Variants in UBE4B observed in about 807,000 individuals in gnomAD.
UBE4B encodes ubiquitination factor E4B.
Under a neutral mutation model 148.1 loss-of-function variants are expected in UBE4B, and 27 were observed. The observed-to-expected ratio is 0.18, with a 90% CI of 0.13 to 0.25. The LOEUF is 0.25. Ranked by LOEUF, UBE4B falls within the 10% of genes least tolerant of loss-of-function variation. The pLI, the probability that UBE4B is intolerant of heterozygous loss-of-function variation, is 1.00. For missense variants in UBE4B, 1,170 were observed against 1,662.4 expected (o/e 0.70, Z 5.15); for synonymous variants, 596 against 619.3 (o/e 0.96, Z 0.56).
intron 22 of UBE4B, among the ~76,000 whole-genome samples, chr1:10,160,392 C>G (rs1646141988): frequency 6.6e-6 from 1 of 152,078 alleles, no homozygotes; most frequent in Non-Finnish European, 1.5e-5. Flanking sequence ...CTGTTCTAGT[C>G]TGGAAGAAGT....
intron 25 of UBE4B, among the ~76,000 whole-genome samples, chr1:10,173,399 G>A (rs1043809805): frequency 1.3e-5 from 2 of 151,116 alleles, no homozygotes; most frequent in Admixed American, 6.6e-5. Context: ...GGAGAATGGC[G>A]TGAACCCAGG....
intron 1 of UBE4B, among the ~76,000 whole-genome samples, chr1:10,048,754 G>T (rs369172773): frequency 1.3e-5 from 2 of 152,334 alleles, no homozygotes; most frequent in African/African-American, 4.8e-5. Context: ...GCTGACTGGA[G>T]CAAGTTCAAG....
In UBE4B at chr1:10,119,503, T is replaced by G. The variant is rs1447508130; in HGVS notation, c.1339-10T>G. 6.2e-7 allele frequency: 1 copy of G among 1,613,258 alleles called. No individual in the cohort carries two copies. Among genetic ancestry groups the G allele is most frequent in the Admixed American group, 1.7e-5 (1 of 59,992 alleles). ...TTCTTGTCGTCCTCACTTCCACCTT[T>G]CCTTTTCAGATGTGCAGCCAGCCAG... On this transcript the variant is annotated splice_polypyrimidine_tract_variant and intron_variant, in intron 8 of 27. Transcript: ENST00000343090.
At chr1:10,068,099 G>A (rs1363353359) in intron 1 of UBE4B, among the ~76,000 whole-genome samples, 2 of 149,992 alleles carry the variant, frequency 1.3e-5, no homozygotes, top group Non-Finnish European at 3.0e-5. Context: ...CACAATCTTG[G>A]CTCACTGCAA....
intron 18 of UBE4B, among the ~76,000 whole-genome samples, chr1:10,146,034 A>AAGATTTCAG (rs1645865136): frequency 6.6e-6 from 1 of 152,218 alleles, no homozygotes; most frequent in East Asian, 1.9e-4. Context: ...AGTACCAGTT[A>AAGATTTCAG]AGATTTCAGT....
chr1:10,105,458 C>T, intron 5 of UBE4B, 58 bp from the exon 6 acceptor site: 1 of 1,494,646 alleles, frequency 6.7e-7, no homozygotes, highest in Non-Finnish European at 9.3e-7. Context: ...TATTCAAGGG[C>T]TGTGTAACCT....
chr1:10,160,582 G>C (rs919355413), intron 22 of UBE4B, among the ~76,000 whole-genome samples: 4 of 152,254 alleles, frequency 2.6e-5, no homozygotes, highest in Non-Finnish European at 4.4e-5. Context: ...TTTAGCACTT[G>C]ACTGTCATCA....
intron 7 of UBE4B, among the ~76,000 whole-genome samples, chr1:10,113,010 C>G (rs1345261632): frequency 3.3e-5 from 5 of 152,198 alleles, no homozygotes; most frequent in Admixed American, 2.0e-4. Flanking sequence ...CTGGTGATCA[C>G]TGTGTTAGTC....
chr1:10,139,522 G>A (rs564347181), intron 17 of UBE4B, among the ~76,000 whole-genome samples: 1 of 152,250 alleles, frequency 6.6e-6, no homozygotes, highest in East Asian at 1.9e-4. Context: ...GAAGTTGTCA[G>A]GGCTTAAGAG....
chr1:10,072,132 G>C lies in UBE4B; in HGVS notation c.129G>C (p.Ala43=). ...QRENPPGPPI[A]ASAPGPSQSL... is the part of the protein sequence containing the mutation. ...AGAACCCTCCGGGGCCTCCCATAGC[G>C]GCATCAGCCCCAGGACCCTCTCAGA... Residue 43 remains alanine (A), a synonymous_variant, in exon 2 of 28, where the codon GCG becomes GCC. Coordinates refer to ENST00000343090, the MANE Select transcript of UBE4B (RefSeq NM_001105562.3). 1 of 1,613,572 alleles carries C rather than the reference G, an allele frequency of 6.2e-7. No homozygotes were observed. The highest frequency in any genetic ancestry group is 8.5e-7 in the Non-Finnish European group (1 of 1,179,812).
chr1:10,041,139 C>T (rs1432789210), intron 1 of UBE4B, among the ~76,000 whole-genome samples: 2 of 152,028 alleles, frequency 1.3e-5, no homozygotes, highest in African/African-American at 2.4e-5. Flanking sequence ...AAACTTGCTT[C>T]ACAAGGTTGG....
intron 2 of UBE4B, among the ~76,000 whole-genome samples, chr1:10,081,571 C>T (rs989901844): frequency 2.1e-5 from 3 of 145,360 alleles, no homozygotes; most frequent in South Asian, 2.2e-4. Context: ...ACTCCTGGCA[C>T]GTGCCACCAT....
intron 3 of UBE4B, among the ~76,000 whole-genome samples, chr1:10,099,571 A>AC (rs1213926709): frequency 6.6e-6 from 1 of 152,168 alleles, no homozygotes. Context: ...AGAGTGAAAA[A>AC]AATTTTGGTC....
chr1:10,149,123 C>G (rs1359224621), intron 19 of UBE4B, 61 bp from the exon 20 acceptor site: 6 of 1,200,684 alleles, frequency 5.0e-6, no homozygotes, highest in Non-Finnish European at 7.1e-6. Flanking sequence ...ATGTAATACT[C>G]CTTGTAGTTT....
intron 10 of UBE4B, among the ~76,000 whole-genome samples, chr1:10,126,300 A>AGT (rs1266391848): frequency 7.2e-6 from 1 of 139,530 alleles, no homozygotes; most frequent in Non-Finnish European, 1.5e-5. Context: ...ACTCCGTCTC[A>AGT]ATATAGATAG....
chr1:10,103,427 A>C (rs1332668849), intron 5 of UBE4B, among the ~76,000 whole-genome samples: 3 of 146,816 alleles, frequency 2.0e-5, no homozygotes, highest in Non-Finnish European at 4.5e-5. Context: ...TTATTTATTT[A>C]TTTATTTATT....
At chr1:10,109,114 G>A (rs1258930577) in intron 7 of UBE4B, among the ~76,000 whole-genome samples, 2 of 152,096 alleles carry the variant, frequency 1.3e-5, no homozygotes, top group African/African-American at 4.8e-5. Context: ...TACTCATGGA[G>A]CATTGTGCGC....
chr1:10,149,805 C>T (rs942775365), intron 20 of UBE4B, among the ~76,000 whole-genome samples: 2 of 152,034 alleles, frequency 1.3e-5, no homozygotes, highest in African/African-American at 4.8e-5. Context: ...AATCCCTTGG[C>T]ACCATGATAG....
chr1:10,151,662 T>A (rs1465012775), intron 21 of UBE4B, 101 bp downstream of exon 21: 3 of 995,838 alleles, frequency 3.0e-6, no homozygotes, highest in Non-Finnish European at 4.6e-6. Flanking sequence ...CCTAATATCC[T>A]GCTACCTGTG....
Sources: gnomAD v4.1 joint callset for allele counts (sites outside exome capture counted in the v4.1 genomes callset) on GRCh38, gnomAD v4.1.1 for gene constraint, MANE v1.5 for transcripts, NCBI Gene and HGNC (gene_info 2026-07-23, HGNC 2026-07-21) for gene names.